The following PROS1 variants were observed in gnomAD, a reference collection of about 807,000 sequenced individuals.
PROS1 encodes protein S, also known as vitamin K-dependent protein S.
PROS1 carries 29 observed loss-of-function variants against 75.9 expected under a neutral mutation model. That is an observed-to-expected ratio of 0.38 (90% CI 0.28 to 0.52). PROS1 has a LOEUF of 0.52. Among genes scored for constraint, PROS1 ranks in the 20% least tolerant of loss-of-function variants. The probability of loss-of-function intolerance (pLI) is 0.83; values close to 1 mark genes in which losing one functional copy is unlikely to be tolerated. For missense variants in PROS1, 680 were observed against 810.3 expected, an observed-to-expected ratio of 0.84 and a Z score of 1.95; for synonymous variants, 245 against 280.6, an observed-to-expected ratio of 0.87 and a Z score of 1.27.
intron 1 of PROS1, among the ~76,000 whole-genome samples, chr3:93,965,139 C>T (rs1709768078): frequency 6.6e-6 from 1 of 152,232 alleles, no homozygotes; most frequent in Admixed American, 6.5e-5. Flanking sequence ...TTCGAGCCGG[C>T]AATGGCAACC....
At chr3:93,878,324 G>T (rs1708220894) in intron 13 of PROS1, among the ~76,000 whole-genome samples, 1 of 152,086 alleles carries the variant, frequency 6.6e-6, no homozygotes, top group Admixed American at 6.6e-5. Flanking sequence ...GATATTTTTA[G>T]GTTACTTATG....
intron 8 of PROS1, 96 bp downstream of exon 8, chr3:93,898,352 C>T (rs1346476957): frequency 7.2e-6 from 10 of 1,382,658 alleles, no homozygotes; most frequent in East Asian, 2.3e-5. Flanking sequence ...TATTGCAGAA[C>T]GTCTGTATTT....
intron 14 of PROS1, among the ~76,000 whole-genome samples, chr3:93,875,862 G>C (rs1446576393): frequency 6.6e-6 from 1 of 152,146 alleles, no homozygotes; most frequent in Non-Finnish European, 1.5e-5. Flanking sequence ...AATTGCAAAT[G>C]TCATCTGAAA....
chr3:93,957,437 G>C (rs1253031573), intron 1 of PROS1, among the ~76,000 whole-genome samples: 2 of 152,088 alleles, frequency 1.3e-5, no homozygotes, highest in East Asian at 3.9e-4. Context: ...TAAAATATTA[G>C]AGAATCACTG....
At chr3:93,944,888 C>A (rs965065545) in intron 1 of PROS1, among the ~76,000 whole-genome samples, 7 of 151,228 alleles carry the variant, frequency 4.6e-5, no homozygotes, top group Admixed American at 4.6e-4. Context: ...TTGAAAAGGT[C>A]AACAAAATTG....
At chr3:93,881,263 A>G (rs1427374329) in intron 12 of PROS1, among the ~76,000 whole-genome samples, 10 of 152,198 alleles carry the variant, frequency 6.6e-5, no homozygotes, top group Admixed American at 1.3e-4. Flanking sequence ...TCTAGGTTAC[A>G]GTGAGCCATG....
intron 1 of PROS1, among the ~76,000 whole-genome samples, chr3:93,943,087 C>T (rs1576207368): frequency 2.6e-5 from 4 of 152,166 alleles, no homozygotes; most frequent in South Asian, 2.1e-4. Flanking sequence ...AGTCCAATAA[C>T]GGACCGGCCT....
intron 1 of PROS1, among the ~76,000 whole-genome samples, chr3:93,933,306 G>A (rs2107212517): frequency 6.6e-6 from 1 of 152,288 alleles, no homozygotes; most frequent in Admixed American, 6.5e-5. Context: ...TGGGTACTGT[G>A]GCTCGCACAT....
At chr3:93,911,339 G>A (rs183141839) in intron 3 of PROS1, among the ~76,000 whole-genome samples, 238 of 152,190 alleles carry the variant, frequency 1.6e-3, no homozygotes, top group African/African-American at 5.5e-3. Context: ...TGACTTTAAC[G>A]TAACTAGGAG....
At chr3:93,941,241 C>G (rs1369101953) in intron 1 of PROS1, among the ~76,000 whole-genome samples, 2 of 152,168 alleles carry the variant, frequency 1.3e-5, no homozygotes, top group East Asian at 3.8e-4. Flanking sequence ...GCCTTTGAAT[C>G]TTCTCAAAAA....
At chr3:93,967,676 A>G (rs1166850244) in intron 1 of PROS1, among the ~76,000 whole-genome samples, 1 of 152,190 alleles carries the variant, frequency 6.6e-6, no homozygotes, top group African/African-American at 2.4e-5. Context: ...CCTTGAGTCC[A>G]GGAGTTTAAG....
At chr3:93,963,052 T>C (rs1001588341) in intron 1 of PROS1, among the ~76,000 whole-genome samples, 1 of 152,204 alleles carries the variant, frequency 6.6e-6, no homozygotes, top group Non-Finnish European at 1.5e-5. Flanking sequence ...CCAATTGTGC[T>C]CAAATTTTCT....
intron 7 of PROS1, among the ~76,000 whole-genome samples, chr3:93,900,118 T>C (rs1347668762): frequency 6.6e-6 from 1 of 152,190 alleles, no homozygotes. Flanking sequence ...AGATAATCTG[T>C]ATATCATAAT....
At chr3:93,910,535 T>C in intron 4 of PROS1, 84 bp downstream of exon 4, 1 of 1,140,284 alleles carries the variant, frequency 8.8e-7, no homozygotes, top group Non-Finnish European at 1.3e-6. Context: ...TCTCAATTTT[T>C]AAACGTTAGT....
At chr3:93,958,265 T>G (rs1306783840) in intron 1 of PROS1, among the ~76,000 whole-genome samples, 1 of 152,120 alleles carries the variant, frequency 6.6e-6, no homozygotes, top group Non-Finnish European at 1.5e-5. Flanking sequence ...GGGTCAAGAC[T>G]TTTTTTCATC....
At chr3:93,954,063 G>A (rs536841327) in intron 1 of PROS1, among the ~76,000 whole-genome samples, 12 of 152,260 alleles carry the variant, frequency 7.9e-5, no homozygotes, top group East Asian at 5.8e-4. Context: ...CCTGCTCAAC[G>A]AAATAAAAGA....
At chr3:93,940,695 A>T (rs1432598971) in intron 1 of PROS1, among the ~76,000 whole-genome samples, 1 of 151,920 alleles carries the variant, frequency 6.6e-6, no homozygotes, top group Admixed American at 6.6e-5. Context: ...AACTGATCAC[A>T]TGTCCATTAC....
chr3:93,961,448 G>A (rs8178655), intron 1 of PROS1, among the ~76,000 whole-genome samples: 21 of 152,170 alleles, frequency 1.4e-4, no homozygotes, highest in Non-Finnish European at 2.9e-4. Flanking sequence ...GGAGCTGAGG[G>A]CCTCAATCCT....
intron 13 of PROS1, among the ~76,000 whole-genome samples, chr3:93,877,860 C>T (rs1160533848): frequency 6.6e-6 from 1 of 152,132 alleles, no homozygotes; most frequent in Non-Finnish European, 1.5e-5. Context: ...GTGATAAAAA[C>T]ATAATCAGAA....
Sources: allele counts gnomAD v4.1 joint callset (sites outside exome capture counted in the v4.1 genomes callset), GRCh38; gene constraint gnomAD v4.1.1; transcripts MANE v1.5; gene names NCBI Gene and HGNC (gene_info 2026-07-23, HGNC 2026-07-21).